SOX5: variants seen among roughly 807,000 people sequenced by gnomAD.
The protein encoded by SOX5 is SRY-box transcription factor 5.
Under a neutral mutation model 92.0 loss-of-function variants are expected in SOX5, and 9 were observed. That is an observed-to-expected ratio of 0.10 (90% CI 0.06 to 0.17). The LOEUF is 0.17. Among genes scored for constraint, SOX5 ranks in the 10% least tolerant of loss-of-function variants. The probability of loss-of-function intolerance (pLI) is 1.00; values close to 1 mark genes in which losing one functional copy is unlikely to be tolerated. For missense variants in SOX5, 642 were observed against 944.5 expected (o/e 0.68, Z 4.20); for synonymous variants, 344 against 336.3 (o/e 1.02, Z -0.25).
intron 1 of SOX5, among the ~76,000 whole-genome samples, chr12:24,503,269 C>T (rs554743313): frequency 8.1e-4 from 124 of 152,304 alleles, no homozygotes; most frequent in African/African-American, 2.8e-3. Flanking sequence ...TCATGGCTCA[C>T]GCCTGTAATT....
At chr12:23,890,315 C>T (rs2097115811) in intron 2 of SOX5, among the ~76,000 whole-genome samples, 1 of 145,230 alleles carries the variant, frequency 6.9e-6, no homozygotes, top group South Asian at 2.2e-4. Flanking sequence ...AACGGAACTC[C>T]ATTTCAAAAA....
chr12:23,654,162 A>T (rs2082025155), intron 7 of SOX5, among the ~76,000 whole-genome samples: 1 of 152,070 alleles, frequency 6.6e-6, no homozygotes, highest in African/African-American at 2.4e-5. Flanking sequence ...CAGATAATGA[A>T]ACGGGACAGA....
At chr12:23,760,814 C>T (rs1054711629) in intron 3 of SOX5, among the ~76,000 whole-genome samples, 1 of 152,120 alleles carries the variant, frequency 6.6e-6, no homozygotes, top group African/African-American at 2.4e-5. Flanking sequence ...AGAATTAAAC[C>T]ACATTTGCTC....
chr12:24,411,362 T>C (rs2136788404), intron 1 of SOX5, among the ~76,000 whole-genome samples: 1 of 152,264 alleles, frequency 6.6e-6, no homozygotes, highest in African/African-American at 2.4e-5. Flanking sequence ...TGAAGAAGGG[T>C]CATGAGAAGA....
At chr12:23,858,923 A>T (rs1300413934) in intron 2 of SOX5, among the ~76,000 whole-genome samples, 1 of 152,194 alleles carries the variant, frequency 6.6e-6, no homozygotes, top group African/African-American at 2.4e-5. Flanking sequence ...AACATAAATT[A>T]TGAAGATTTC....
chr12:23,966,873 C>G (rs1326139650), intron 4 of SOX5, among the ~76,000 whole-genome samples: 2 of 152,078 alleles, frequency 1.3e-5, no homozygotes, highest in African/African-American at 2.4e-5. Context: ...AAAGTAACAC[C>G]AGCATATAAA....
chr12:24,453,810 C>A (rs1009943486), intron 1 of SOX5, among the ~76,000 whole-genome samples: 2 of 152,170 alleles, frequency 1.3e-5, no homozygotes, highest in African/African-American at 2.4e-5. Context: ...CTTTTGCTTG[C>A]AGTACCAAGG....
In SOX5 at chr12:24,374,516, T is replaced by C. The variant is rs7968477; in HGVS notation, c.-250-5877A>G. Among the ~76,000 whole-genome samples, 320 of 146,492 alleles carry C rather than the reference T, an allele frequency of 2.2e-3. 2 individuals are homozygous for C. The highest frequency in any genetic ancestry group is 7.0e-3 in the African/African-American group (283 of 40,478). On this transcript the variant is annotated intron_variant, in intron 1 of 4. Transcript: ENST00000446891. The stretch of plus-strand genomic sequence containing the variant: ...CCAGACCACCACACACACACACACA[T>C]ACACACACACACACACACACATGCA...
intron 4 of SOX5, among the ~76,000 whole-genome samples, chr12:23,752,355 C>T (rs1483808805): frequency 6.6e-6 from 1 of 151,858 alleles, no homozygotes; most frequent in Admixed American, 6.6e-5. Flanking sequence ...CCGTACACAG[C>T]TCTGCTTTTA....
At chr12:24,259,834 G>A (rs1416239413) in intron 3 of SOX5, among the ~76,000 whole-genome samples, 1 of 152,168 alleles carries the variant, frequency 6.6e-6, no homozygotes, top group African/African-American at 2.4e-5. Flanking sequence ...AGTGTTCATC[G>A]TGTATATCTT....
chr12:24,527,714 T>C (rs1408133628), intron 1 of SOX5, among the ~76,000 whole-genome samples: 1 of 152,264 alleles, frequency 6.6e-6, no homozygotes, highest in African/African-American at 2.4e-5. Context: ...CACTGCATAG[T>C]ACTACATTCA....
chr12:24,043,258 A>C (rs1956685221), intron 4 of SOX5, among the ~76,000 whole-genome samples: 1 of 152,206 alleles, frequency 6.6e-6, no homozygotes, highest in South Asian at 2.1e-4. Flanking sequence ...GAGAGGTAAA[A>C]AGGTCAATAA....
chr12:23,749,467 A>C (rs2094115073), intron 4 of SOX5, among the ~76,000 whole-genome samples: 1 of 151,882 alleles, frequency 6.6e-6, no homozygotes, highest in South Asian at 2.1e-4. Flanking sequence ...AAATATATCT[A>C]ATGTGGAAAA....
intron 3 of SOX5, among the ~76,000 whole-genome samples, chr12:23,769,252 T>G (rs1412923239): frequency 6.6e-6 from 1 of 152,172 alleles, no homozygotes; most frequent in Admixed American, 6.6e-5. Context: ...GTACCTGATT[T>G]GAGCTTAATT....
intron 2 of SOX5, among the ~76,000 whole-genome samples, chr12:23,865,265 G>A (rs956336953): frequency 1.3e-5 from 2 of 152,188 alleles, no homozygotes; most frequent in African/African-American, 4.8e-5. Context: ...TCACCCAGAA[G>A]CTCTGCTGGA....
intron 2 of SOX5, among the ~76,000 whole-genome samples, chr12:23,881,471 C>A (rs2096989093): frequency 6.6e-6 from 1 of 152,174 alleles, no homozygotes; most frequent in African/African-American, 2.4e-5. Flanking sequence ...CACCCTCTCA[C>A]AAACACTGTC....
rs774994772 is a variant in SOX5, at chr12:23,534,273, T to G, written c.2238A>C (p.Pro746=). 3.1e-6 allele frequency: 5 copies of G among 1,614,070 alleles called. No individual in the cohort carries two copies. The highest frequency in any genetic ancestry group is 4.2e-6 in the Non-Finnish European group (5 of 1,180,012). ...CACTGTCACTCCCATAATCTACATC[T>G]GGATCATCCTCTTCCTCGTCGTACT... ...YDEYDEEEDD[P]DVDYGSDSEN... The change falls in exon 15 of 15, where the codon CCA becomes CCC. Residue 746 remains proline (P), a synonymous_variant. Coordinates refer to ENST00000451604, the MANE Select transcript of SOX5 (RefSeq NM_006940.6).
intron 1 of SOX5, among the ~76,000 whole-genome samples, chr12:24,501,922 A>G (rs1363423170): frequency 2.6e-5 from 4 of 152,212 alleles, no homozygotes; most frequent in African/African-American, 9.6e-5. Context: ...AATTGTCGAT[A>G]AAAACTGAAG....
intron 4 of SOX5, among the ~76,000 whole-genome samples, chr12:24,005,044 T>C (rs1409994928): frequency 6.6e-6 from 1 of 152,050 alleles, no homozygotes; most frequent in Non-Finnish European, 1.5e-5. Context: ...TCCAATTATA[T>C]TAAATGTCCA....
Sources: allele counts gnomAD v4.1 joint callset (sites outside exome capture counted in the v4.1 genomes callset), GRCh38; gene constraint gnomAD v4.1.1; transcripts MANE v1.5; gene names NCBI Gene and HGNC (gene_info 2026-07-23, HGNC 2026-07-21).